The following PUM2 variants were observed in gnomAD, a reference collection of about 807,000 sequenced individuals.
PUM2 encodes the protein pumilio homolog 2.
PUM2 carries 57 observed loss-of-function variants against 124.5 expected under a neutral mutation model. That is an observed-to-expected ratio of 0.46 (90% CI 0.37 to 0.57). The LOEUF (loss-of-function observed/expected upper bound fraction) is 0.57, where lower values mean the gene tolerates loss of function less well. PUM2 is among the 20% of genes least tolerant of loss of function. The pLI is 0.00. For missense variants in PUM2, 1,065 were observed against 1,290.6 expected (o/e 0.83, Z 2.68); for synonymous variants, 460 against 446.1 (o/e 1.03, Z -0.39).
intron 10 of PUM2, among the ~76,000 whole-genome samples, chr2:20,288,247 T>A (rs940331222): frequency 6.6e-6 from 1 of 152,088 alleles, no homozygotes; most frequent in Non-Finnish European, 1.5e-5. Flanking sequence ...CAGAGACTGA[T>A]AAAAAAGCAA....
In PUM2 at chr2:20,250,464, A is replaced by G. The variant is rs561102719; in HGVS notation, c.*1121T>C. The G allele has an allele frequency of 1.2e-3, 182 of 152,708 alleles. 1 individual carries two copies. Among genetic ancestry groups the G allele is most frequent in the Non-Finnish European group, 1.7e-3 (118 of 68,010 alleles). The allele number at this position is 152,708 out of a possible 1,614,324, so 9.5% of individuals were successfully genotyped here. A position where few individuals can be genotyped will look rare whatever the true frequency, so the allele number is the denominator to read the frequency against. On this transcript the variant is annotated 3_prime_UTR_variant, in exon 21 of 21. Coordinates refer to ENST00000361078, the MANE Select transcript of PUM2 (RefSeq NM_015317.5). ...TGAAGGTTTACAAATGTACACCTGTACAACCAAGGAAAGCATCACTACTAA... is the reference window on the plus strand; with the variant it reads ...TGAAGGTTTACAAATGTACACCTGTGCAACCAAGGAAAGCATCACTACTAA...
chr2:20,303,435 G>GTTT lies in PUM2; in HGVS notation c.883+4540_883+4542dup, dbSNP rs11444507. On this transcript the variant is annotated intron_variant, in intron 7 of 20. Transcript: ENST00000361078. Reference sequence around the variant, plus strand: ...ACAAACATCAAAATCAAGCTTTCAAGTTTTTTTTTTTTTTTTTCAAAAGAG... The same window carrying GTTT: ...ACAAACATCAAAATCAAGCTTTCAAGTTTTTTTTTTTTTTTTTTTTCAAAAGAG... 1.5e-3 allele frequency among the ~76,000 whole-genome samples: 195 copies of GTTT among 129,744 alleles called. 1 individual carries two copies. The highest frequency in any genetic ancestry group is 2.3e-3 in the Non-Finnish European group (140 of 61,814). The allele number at this position is 129,744 out of a possible 152,430, so 85.1% of individuals were successfully genotyped here. A position where few individuals can be genotyped will look rare whatever the true frequency, so the allele number is the denominator to read the frequency against.
chr2:20,266,818 G>A (rs1376541885), intron 13 of PUM2, among the ~76,000 whole-genome samples: 1 of 151,952 alleles, frequency 6.6e-6, no homozygotes, highest in Non-Finnish European at 1.5e-5. Flanking sequence ...ATTTGACAAT[G>A]GGCCCCCATT....
rs534051706 is a variant in PUM2 at position 20,291,092 on chromosome 2, T to C, written c.1153-302A>G. Among the ~76,000 whole-genome samples, 4 of 152,262 alleles carry C rather than the reference T, an allele frequency of 2.6e-5. No individual in the cohort carries two copies. The South Asian group carries it at 8.3e-4, about 32-fold the overall frequency. ...GTAGTTTAAAAAATAATAATAATAATAATGAGCTTTTATTATTCTCAACAA... is the reference window on the plus strand; with the variant it reads ...GTAGTTTAAAAAATAATAATAATAACAATGAGCTTTTATTATTCTCAACAA... On this transcript the variant is annotated intron_variant, in intron 9 of 20. Transcript: ENST00000361078.
intron 1 of PUM2, among the ~76,000 whole-genome samples, chr2:20,334,396 G>A (rs905979921): frequency 6.6e-6 from 1 of 152,100 alleles, no homozygotes; most frequent in Non-Finnish European, 1.5e-5. Flanking sequence ...TAAAAACAGG[G>A]TGGGGAAAGC....
chr2:20,282,663 A>C (rs1467637166), intron 12 of PUM2, among the ~76,000 whole-genome samples: 2 of 152,214 alleles, frequency 1.3e-5, no homozygotes, highest in Non-Finnish European at 2.9e-5. Flanking sequence ...TATTGACCCA[A>C]ATAAACCCTA....
intron 16 of PUM2, 98 bp downstream of exon 16, chr2:20,258,145 A>G: frequency 8.8e-7 from 1 of 1,130,130 alleles, no homozygotes. Flanking sequence ...GGAAATATTT[A>G]AGTCTTTTCA....
chr2:20,345,853 C>T (rs1688148170), intron 1 of PUM2, among the ~76,000 whole-genome samples: 3 of 152,206 alleles, frequency 2.0e-5, no homozygotes, highest in Admixed American at 2.0e-4. Context: ...GCCTGGGCAA[C>T]AAGAGCGAAA....
intron 14 of PUM2, among the ~76,000 whole-genome samples, chr2:20,262,297 T>G (rs769805971): frequency 6.6e-6 from 1 of 152,250 alleles, no homozygotes; most frequent in Non-Finnish European, 1.5e-5. Flanking sequence ...TTAAGTCCCC[T>G]ACACACGCAT....
In PUM2 at chr2:20,294,473, A is replaced by AC; in HGVS notation, c.1054dup (p.Val352GlyfsTer17). 1 of 1,613,844 alleles carries AC rather than the reference A, an allele frequency of 6.2e-7. No homozygotes were observed. Among genetic ancestry groups the AC allele is most frequent in the Non-Finnish European group, 8.5e-7 (1 of 1,179,964 alleles). On this transcript the variant is annotated frameshift_variant, in exon 9 of 21. Coordinates refer to ENST00000361078, the MANE Select transcript of PUM2 (RefSeq NM_015317.5). LOFTEE classifies it high-confidence loss of function. ...CTGCTGAAATAAGTTGGCTGGATACACCCCCCATGGAACGCCGTAATACTG... is the reference window on the plus strand; with the variant it reads ...CTGCTGAAATAAGTTGGCTGGATACACCCCCCCATGGAACGCCGTAATACTG...
rs546935729 is a variant in PUM2 at position 20,323,218 on chromosome 2, G to A, written c.51+4092C>T. On this transcript the variant is annotated intron_variant, in intron 2 of 20. Coordinates refer to ENST00000361078, the MANE Select transcript of PUM2 (RefSeq NM_015317.5). ...AATCCTAGCACTTTGGGAGGCCGAA[G>A]TGGGCGGACCACGAGGTCAGGAAAT... Among the ~76,000 whole-genome samples the A allele has an allele frequency of 3.3e-5, 5 of 152,260 alleles. No individual in the cohort carries two copies. The East Asian group carries it at 9.7e-4, about 29-fold the overall frequency.
At chr2:20,264,392 A>G (rs1257641047) in intron 13 of PUM2, among the ~76,000 whole-genome samples, 2 of 122,930 alleles carry the variant, frequency 1.6e-5, no homozygotes, top group African/African-American at 5.9e-5. Context: ...ATATATATAT[A>G]TATATTTGAC....
intron 2 of PUM2, among the ~76,000 whole-genome samples, chr2:20,323,358 G>A (rs1682839035): frequency 6.7e-6 from 1 of 148,714 alleles, no homozygotes; most frequent in Non-Finnish European, 1.5e-5. Context: ...TGAGGCAGGA[G>A]AATAACTCGA....
At chr2:20,261,135 A>C (rs1666105108) in intron 14 of PUM2, among the ~76,000 whole-genome samples, 1 of 152,142 alleles carries the variant, frequency 6.6e-6, no homozygotes, top group African/African-American at 2.4e-5. Context: ...TCACGCATGT[A>C]ATCTCAGCAC....
At chr2:20,332,059 C>T (rs896807204) in intron 1 of PUM2, 67 of 152,116 alleles carry the variant, frequency 4.4e-4, no homozygotes, top group African/African-American at 1.6e-3. Flanking sequence ...TTTTTTCCAA[C>T]AATCAAAAAA....
chr2:20,337,412 T>C (rs1686354600), intron 1 of PUM2, among the ~76,000 whole-genome samples: 1 of 152,200 alleles, frequency 6.6e-6, no homozygotes, highest in Admixed American at 6.5e-5. Flanking sequence ...AAAATATGGG[T>C]ATAAATAAGA....
At chr2:20,328,072 C>T (rs1335439837) in intron 1 of PUM2, among the ~76,000 whole-genome samples, 8 of 152,126 alleles carry the variant, frequency 5.3e-5, no homozygotes, top group African/African-American at 1.9e-4. Flanking sequence ...TGGTGGCTCA[C>T]GACTATAATC....
chr2:20,280,815 G>C (rs1375925728), intron 12 of PUM2, among the ~76,000 whole-genome samples: 2 of 151,974 alleles, frequency 1.3e-5, no homozygotes, highest in Non-Finnish European at 2.9e-5. Flanking sequence ...TGTGAAAAAA[G>C]GCTAAATTAT....
Position 20,312,197 on chromosome 2 carries a change from C to T in PUM2, c.348+39G>A, listed in dbSNP as rs535330429. 1.1e-5 allele frequency: 16 copies of T among 1,505,654 alleles called. No homozygotes were observed. The South Asian group carries it at 1.9e-4, about 18-fold the overall frequency. The allele number at this position is 1,505,654 out of a possible 1,614,324, so 93.3% of individuals were successfully genotyped here. On this transcript the variant is annotated intron_variant, in intron 4 of 20. Coordinates refer to ENST00000361078, the MANE Select transcript of PUM2 (RefSeq NM_015317.5). Reference sequence around the variant, plus strand: ...AAAAGTAACGTAACCAAATAACTCTCAAGCAAATATTAAATATTTCTTTAT... The same window carrying T: ...AAAAGTAACGTAACCAAATAACTCTTAAGCAAATATTAAATATTTCTTTAT...
Sources: allele counts gnomAD v4.1 joint callset (sites outside exome capture counted in the v4.1 genomes callset), GRCh38; gene constraint gnomAD v4.1.1; transcripts MANE v1.5; gene names NCBI Gene and HGNC (gene_info 2026-07-23, HGNC 2026-07-21).